The following JAKMIP1 variants were observed in gnomAD, a reference collection of about 807,000 sequenced individuals.
JAKMIP1 encodes janus kinase and microtubule-interacting protein 1.
A neutral mutation model predicts 113.0 loss-of-function variants in JAKMIP1; 33 were observed. That is an observed-to-expected ratio of 0.29 (90% confidence interval 0.22 to 0.39). The LOEUF (loss-of-function observed/expected upper bound fraction) is 0.39. Among genes scored for constraint, JAKMIP1 ranks in the 10% least tolerant of loss-of-function variants. The pLI is 1.00. For missense variants in JAKMIP1, 813 were observed against 1,080.5 expected (o/e 0.75, Z 3.47); for synonymous variants, 480 against 459.9 (o/e 1.04, Z -0.56).
intron 7 of JAKMIP1, 43 bp from the exon 8 acceptor site, chr4:6,079,041 A>G (rs1720109889): frequency 6.2e-7 from 1 of 1,609,924 alleles, no homozygotes; most frequent in African/African-American, 1.3e-5. Context: ...CCAGCCTCAC[A>G]TCTCACAAAC....
intron 16 of JAKMIP1, among the ~76,000 whole-genome samples, chr4:6,047,268 A>G (rs994545935): frequency 3.9e-5 from 6 of 152,246 alleles, no homozygotes; most frequent in Non-Finnish European, 8.8e-5. Context: ...GGCCGTGCTC[A>G]GCACTTGACA....
At position 6,140,527 on chromosome 4, in the gene JAKMIP1, G is replaced by A. The variant is rs193177275; in HGVS notation, c.-147-27530C>T. Among the ~76,000 whole-genome samples, 7 of 152,146 alleles carry A rather than the reference G, an allele frequency of 4.6e-5. No homozygotes were observed. In the East Asian group the frequency reaches 5.8e-4, roughly 13 times the overall value. On this transcript the variant is annotated intron_variant, in intron 1 of 20. Coordinates refer to ENST00000409021, the MANE Select transcript of JAKMIP1 (RefSeq NM_001099433.2). The surrounding 1 kb of genome is among the most constrained non-coding windows in gnomAD (Gnocchi z 9.4). ...AAGGCCCCTTCCAATAATGTGGCTC[G>A]GGTCTTTCTGCAGGGTCAGAGGGAA...
At chr4:6,099,369 T>C (rs1180738840) in intron 3 of JAKMIP1, among the ~76,000 whole-genome samples, 1 of 152,240 alleles carries the variant, frequency 6.6e-6, no homozygotes, top group Admixed American at 6.5e-5. Flanking sequence ...TTGCTTTTTA[T>C]CTGTGCCTCC....
Position 6,040,534 on chromosome 4 carries a change from T to C in JAKMIP1, c.2175+105A>G. On this transcript the variant is annotated intron_variant, in intron 18 of 20. Coordinates refer to ENST00000409021, the MANE Select transcript of JAKMIP1 (RefSeq NM_001099433.2). The surrounding 1 kb of genome is among the most constrained non-coding windows in gnomAD (Gnocchi z 5.8). Reference sequence around the variant, plus strand: ...GAGATGGCATTTTTATCACTCCTGTTTGGCACTGGGGAGCGCCCTAAATGC... The same window carrying C: ...GAGATGGCATTTTTATCACTCCTGTCTGGCACTGGGGAGCGCCCTAAATGC... 1 of 766,686 alleles carries C rather than the reference T, an allele frequency of 1.3e-6. No individual in the cohort carries two copies. The highest frequency in any genetic ancestry group is 2.3e-6 in the Non-Finnish European group (1 of 428,962). The allele number at this position is 766,686 out of a possible 1,614,324, so 47.5% of individuals were successfully genotyped here.
chr4:6,053,942 C>A, intron 13 of JAKMIP1, 108 bp downstream of exon 13: 3 of 1,578,436 alleles, frequency 1.9e-6, no homozygotes, highest in Non-Finnish European at 2.6e-6. Flanking sequence ...ATAACATGTC[C>A]CCTTTACACA....
In JAKMIP1 at chr4:6,176,983, T is replaced by C. The variant is rs1401451098; in HGVS notation, c.-148+23270A>G. ...GGGAGGTTGAGGCTGCAGTGAGCCA[T>C]GATTTGTGCCACTGCACTCCAGCCT... On this transcript the variant is annotated intron_variant, in intron 1 of 20. Transcript: ENST00000409021. This position sits in a 1 kb window ranked among gnomAD's most constrained non-coding sequence, Gnocchi z 5.5. Among the ~76,000 whole-genome samples, 3 of 152,090 alleles carry C rather than the reference T, an allele frequency of 2.0e-5. No homozygotes were observed. Among genetic ancestry groups the C allele is most frequent in the Non-Finnish European group, 2.9e-5 (2 of 68,022 alleles).
At chr4:6,092,137 C>T (rs185041858) in intron 3 of JAKMIP1, among the ~76,000 whole-genome samples, 97 of 152,306 alleles carry the variant, frequency 6.4e-4, no homozygotes, top group Non-Finnish European at 1.1e-3. Flanking sequence ...CAGCAACACC[C>T]TCAGTGCCTT....
intron 1 of JAKMIP1, among the ~76,000 whole-genome samples, chr4:6,191,243 G>A (rs1169789051): frequency 6.6e-6 from 1 of 152,190 alleles, no homozygotes; most frequent in Non-Finnish European, 1.5e-5. Flanking sequence ...ACTCCAGACA[G>A]CTCTACCCCT....
At chr4:6,070,569 G>A (rs1393628191) in intron 8 of JAKMIP1, among the ~76,000 whole-genome samples, 1 of 152,244 alleles carries the variant, frequency 6.6e-6, no homozygotes, top group Non-Finnish European at 1.5e-5. Context: ...CCGAGAGCCT[G>A]TTGTCAACAC....
chr4:6,128,547 T>C (rs1360708567), intron 1 of JAKMIP1, among the ~76,000 whole-genome samples: 1 of 144,210 alleles, frequency 6.9e-6, no homozygotes, highest in African/African-American at 2.4e-5. Flanking sequence ...TGGTCTTCAA[T>C]GTGCTTCTTC....
chr4:6,052,650 T>TA (rs762425260), intron 13 of JAKMIP1, among the ~76,000 whole-genome samples: 7,764 of 53,396 alleles, frequency 0.15, 624 homozygotes, highest in African/African-American at 0.2. Context: ...GACTCTGTCC[T>TA]AAAAAAAAAA....
rs201074701 is a variant in JAKMIP1 at position 6,059,339 on chromosome 4, CCAGCTTTG to C, written c.1644+1077_1644+1084del. ...GCCCTGCGGCAGCCATTCTGAGCTG[CCAGCTTTG>C]CAGCTTTGCAGCTTTGCAGTGCTCT... On this transcript the variant is annotated intron_variant, in intron 11 of 20. Transcript: ENST00000409021. The surrounding 1 kb of genome is among the most constrained non-coding windows in gnomAD (Gnocchi z 4.8). 1.6e-4 allele frequency among the ~76,000 whole-genome samples: 25 copies of C among 152,328 alleles called. No homozygotes were observed. In the East Asian group the frequency reaches 2.5e-3, roughly 15 times the overall value.
At chr4:6,151,285 A>G (rs933552568) in intron 1 of JAKMIP1, among the ~76,000 whole-genome samples, 4 of 152,206 alleles carry the variant, frequency 2.6e-5, no homozygotes, top group African/African-American at 9.7e-5. Flanking sequence ...CTACGGAAAA[A>G]CTAAGGCTTA....
intron 1 of JAKMIP1, among the ~76,000 whole-genome samples, chr4:6,190,719 GC>G (rs1401260183): frequency 6.6e-6 from 1 of 152,178 alleles, no homozygotes; most frequent in Non-Finnish European, 1.5e-5. Context: ...GGACAAAGTT[GC>G]CCCCCGGCAT....
chr4:6,032,650 AACAAC>A (rs768412216), intron 19 of JAKMIP1, among the ~76,000 whole-genome samples: 4 of 140,504 alleles, frequency 2.8e-5, no homozygotes, highest in African/African-American at 5.5e-5. Flanking sequence ...CGAATGTTAG[AACAAC>A]ACAACACAAA....
Position 6,187,212 on chromosome 4 carries a change from T to G in JAKMIP1, c.-148+13041A>C, listed in dbSNP as rs558793273. Among the ~76,000 whole-genome samples the G allele has an allele frequency of 9.2e-5, 14 of 152,348 alleles. No individual in the cohort carries two copies. Among genetic ancestry groups the G allele is most frequent in the African/African-American group, 2.9e-4 (12 of 41,584 alleles). On this transcript the variant is annotated intron_variant, in intron 1 of 20. Coordinates refer to ENST00000409021, the MANE Select transcript of JAKMIP1 (RefSeq NM_001099433.2). This position sits in a 1 kb window ranked among gnomAD's most constrained non-coding sequence, Gnocchi z 4.2. Reference sequence around the variant, plus strand: ...GTTTATAATTGTTATATATTTCTGATGTATTGAACTTCTTGTCATTATAAA... The same window carrying G: ...GTTTATAATTGTTATATATTTCTGAGGTATTGAACTTCTTGTCATTATAAA...
intron 5 of JAKMIP1, among the ~76,000 whole-genome samples, chr4:6,084,292 T>C (rs1409650363): frequency 6.8e-6 from 1 of 146,876 alleles, no homozygotes; most frequent in Non-Finnish European, 1.5e-5. Context: ...CACTCCAGCC[T>C]GGGCGACAAG....
intron 10 of JAKMIP1, 55 bp downstream of exon 10, chr4:6,062,257 C>A (rs905797187): frequency 3.1e-5 from 50 of 1,598,328 alleles, no homozygotes; most frequent in Admixed American, 1.8e-4. Context: ...TGGAAAGGAC[C>A]TACATGACCT....
At chr4:6,078,474 A>T (rs983545813) in intron 8 of JAKMIP1, among the ~76,000 whole-genome samples, 10 of 150,560 alleles carry the variant, frequency 6.6e-5, no homozygotes, top group Non-Finnish European at 1.0e-4. Context: ...GGGCATTTGA[A>T]TTTTATAAGC....
Sources: gnomAD v4.1 joint callset for allele counts (sites outside exome capture counted in the v4.1 genomes callset) on GRCh38, gnomAD v4.1.1 for gene constraint, Gnocchi (gnomAD v3.1) non-coding constraint, MANE v1.5 for transcripts, NCBI Gene and HGNC (gene_info 2026-07-23, HGNC 2026-07-21) for gene names.